Variants in PLCD3 observed in about 807,000 individuals in gnomAD.
The protein encoded by PLCD3 is phospholipase C delta 3, also known as 1-phosphatidylinositol 4,5-bisphosphate phosphodiesterase delta-3.
A neutral mutation model predicts 82.8 loss-of-function variants in PLCD3; 62 were observed. The observed-to-expected ratio is 0.75, with a 90% CI of 0.61 to 0.93. The LOEUF (loss-of-function observed/expected upper bound fraction) is 0.93, where lower values mean the gene tolerates loss of function less well. PLCD3 is among the 40% of genes least tolerant of loss of function. The pLI is 0.00. For missense variants in PLCD3, 1,023 were observed against 1,103.4 expected (o/e 0.93, Z 1.03); for synonymous variants, 478 against 471.8 (o/e 1.01, Z -0.17).
Position 45,118,425 on chromosome 17 carries a change from G to A in PLCD3, c.981C>T (p.Ala327=). ...ACACACACGTGTGGGTGTTGTCCAA[G>A]GCAGCCCCCTCCGGCGACAACAGGT... ...MMYLLSPEGA[A]LDNTHTCVFQ... Residue 327 remains alanine (A), a synonymous_variant, in exon 6 of 15, where the codon GCC becomes GCT. Transcript: ENST00000619929. This position sits in a 1 kb window ranked among gnomAD's most constrained non-coding sequence, Gnocchi z 4.1. 1 of 1,614,018 alleles carries A rather than the reference G, an allele frequency of 6.2e-7. No homozygotes were observed. Among genetic ancestry groups the A allele is most frequent in the Non-Finnish European group, 8.5e-7 (1 of 1,179,884 alleles).
At chr17:45,125,243 A>ATTTGAGGCAAGGAG (rs2143585307) in intron 1 of PLCD3, among the ~76,000 whole-genome samples, 1 of 152,048 alleles carries the variant, frequency 6.6e-6, no homozygotes, top group South Asian at 2.1e-4. Context: ...CATGTGGATC[A>ATTTGAGGCAAGGAG]TTTGAGGCAA....
chr17:45,130,627 G>C (rs1228607248), intron 1 of PLCD3, among the ~76,000 whole-genome samples: 1 of 152,138 alleles, frequency 6.6e-6, no homozygotes, highest in African/African-American at 2.4e-5. Context: ...GGTCCATCCT[G>C]GGTGTCCCCC....
At position 45,132,500 on chromosome 17, in the gene PLCD3, G is replaced by A. The variant is rs890815430; in HGVS notation, c.-90C>T. 8 of 844,332 alleles carry A rather than the reference G, an allele frequency of 9.5e-6. No individual in the cohort carries two copies. Among genetic ancestry groups the A allele is most frequent in the Non-Finnish European group, 1.1e-5 (7 of 661,322 alleles). 52.3% of individuals were successfully genotyped at this position (844,332 alleles called of 1,614,324 possible). A position where few individuals can be genotyped will look rare whatever the true frequency, so the allele number is the denominator to read the frequency against. On this transcript the variant is annotated 5_prime_UTR_variant, in exon 1 of 15. Coordinates refer to ENST00000619929, the MANE Select transcript of PLCD3 (RefSeq NM_133373.5). This position sits in a 1 kb window ranked among gnomAD's most constrained non-coding sequence, Gnocchi z 4.6. Reference sequence around the variant, plus strand: ...CTCTGGCCCGGCCCCGGCTCTGAGCGAGGCGGCGAGCGAAGAAACTTAGCG... The same window carrying A: ...CTCTGGCCCGGCCCCGGCTCTGAGCAAGGCGGCGAGCGAAGAAACTTAGCG...
intron 1 of PLCD3, among the ~76,000 whole-genome samples, chr17:45,123,496 G>T (rs768128849): frequency 2.6e-4 from 39 of 152,340 alleles, no homozygotes; most frequent in Non-Finnish European, 5.0e-4. Flanking sequence ...ACGGACAGAT[G>T]GGGGGACTAA....
At position 45,116,705 on chromosome 17, in the gene PLCD3, CAG is replaced by C. The variant is rs2054294533; in HGVS notation, c.1338_1339del (p.Cys447HisfsTer58). ...CACCAGCATGTCCCCCAGGATGGTG[CAG>C]AGGTGGCGGGCCATGGCAGCCTGCT... On this transcript the variant is annotated frameshift_variant, in exon 8 of 15. Transcript: ENST00000619929. LOFTEE classifies it high-confidence loss of function. 1 of 1,611,154 alleles carries C rather than the reference CAG, an allele frequency of 6.2e-7. No homozygotes were observed. Among genetic ancestry groups the C allele is most frequent in the Non-Finnish European group, 8.5e-7 (1 of 1,178,510 alleles).
chr17:45,116,334 G>A (rs550320772), intron 8 of PLCD3, among the ~76,000 whole-genome samples: 8 of 152,276 alleles, frequency 5.3e-5, no homozygotes, highest in Admixed American at 5.2e-4. Flanking sequence ...GCGGGGCCTT[G>A]CAGGTGGGAA....
chr17:45,120,213 A>T (rs1368140610), intron 4 of PLCD3, 112 bp downstream of exon 4: 2 of 1,448,370 alleles, frequency 1.4e-6, no homozygotes, highest in African/African-American at 2.8e-5. Flanking sequence ...TGCTCGCTCC[A>T]AAAAAGCTGC....
At position 45,120,892 on chromosome 17, in the gene PLCD3, G is replaced by A. The variant is rs754164761; in HGVS notation, c.554+10C>T. ...GGATGGGGCCCTCCCTCCCAGCCCCGGCAGGATATTGGTCTAGCCGCTCGC... is the reference window on the plus strand; with the variant it reads ...GGATGGGGCCCTCCCTCCCAGCCCCAGCAGGATATTGGTCTAGCCGCTCGC... On this transcript the variant is annotated intron_variant, in intron 3 of 14. Transcript: ENST00000619929. 4.2e-6 allele frequency: 6 copies of A among 1,417,146 alleles called. No homozygotes were observed. Among genetic ancestry groups the A allele is most frequent in the African/African-American group, 1.5e-5 (1 of 67,020 alleles). The allele number at this position is 1,417,146 out of a possible 1,614,324, so 87.8% of individuals were successfully genotyped here.
rs111973386 is a variant in PLCD3, at chr17:45,115,958, G to A, written c.1414-468C>T. Among the ~76,000 whole-genome samples the A allele has an allele frequency of 5.2e-3, 790 of 152,312 alleles. 4 individuals are homozygous for A. The highest frequency in any genetic ancestry group is 8.3e-3 in the Non-Finnish European group (562 of 68,030). ...AAAGAGGACAGGTCAGTGGAGGGAG[G>A]GGAGCACTGCTCATCGCGTCCCTTA... On this transcript the variant is annotated intron_variant, in intron 8 of 14. Coordinates refer to ENST00000619929, the MANE Select transcript of PLCD3 (RefSeq NM_133373.5).
rs771669043 is a variant in PLCD3 at position 45,121,201 on chromosome 17, G to A, written c.325+10C>T. The A allele has an allele frequency of 6.4e-7, 1 of 1,567,366 alleles. No individual in the cohort carries two copies. Among genetic ancestry groups the A allele is most frequent in the South Asian group, 1.2e-5 (1 of 85,878 alleles). ...CCTCCCTGTCCGCCCGGCGCTCCCC[G>A]GCCTCTCACAGATGTGCTGCGATGG... On this transcript the variant is annotated intron_variant, in intron 2 of 14. Coordinates refer to ENST00000619929, the MANE Select transcript of PLCD3 (RefSeq NM_133373.5).
intron 1 of PLCD3, among the ~76,000 whole-genome samples, chr17:45,128,863 T>C (rs891911957): frequency 1.3e-5 from 2 of 152,218 alleles, no homozygotes; most frequent in African/African-American, 4.8e-5. Flanking sequence ...AGGACGCTCC[T>C]GGGGGCTGGC....
Position 45,132,047 on chromosome 17 carries a change from C to T in PLCD3, c.163+201G>A, listed in dbSNP as rs372610594. On this transcript the variant is annotated intron_variant, in intron 1 of 14. Transcript: ENST00000619929. This position sits in a 1 kb window ranked among gnomAD's most constrained non-coding sequence, Gnocchi z 4.6. ...CCCCCTGGTGGGAAGCAAAGAACAC[C>T]CTGGGCGCCCGGCTCGCCCCGGGAC... Among the ~76,000 whole-genome samples, 1 of 152,214 alleles carries T rather than the reference C, an allele frequency of 6.6e-6. No individual in the cohort carries two copies. The highest frequency in any genetic ancestry group is 1.5e-5 in the Non-Finnish European group (1 of 68,020).
At chr17:45,123,619 C>T (rs1183483556) in intron 1 of PLCD3, among the ~76,000 whole-genome samples, 2 of 152,184 alleles carry the variant, frequency 1.3e-5, no homozygotes, top group South Asian at 4.1e-4. Context: ...ATCGGAATTA[C>T]CCAGGGGAGG....
chr17:45,123,562 G>A (rs1356628092), intron 1 of PLCD3, among the ~76,000 whole-genome samples: 1 of 151,982 alleles, frequency 6.6e-6, no homozygotes, highest in African/African-American at 2.4e-5. Flanking sequence ...CAGAGGCCTC[G>A]CAGGGCAGAG....
At position 45,109,562 on chromosome 17, in the gene PLCD3, C is replaced by A. The variant is rs2054226270; in HGVS notation, c.*3054G>T. 6.6e-6 allele frequency: 1 copy of A among 152,354 alleles called. No individual in the cohort carries two copies. The highest frequency in any genetic ancestry group is 6.5e-5 in the Admixed American group (1 of 15,280). 9.4% of individuals were successfully genotyped at this position (152,354 alleles called of 1,614,324 possible). The stretch of plus-strand genomic sequence containing the variant: ...TCTGGAACTTACCCATTCCCTGACC[C>A]CCTGATCCTTTCAGGTCCATGACTG... On this transcript the variant is annotated 3_prime_UTR_variant, in exon 15 of 15. Coordinates refer to ENST00000619929, the MANE Select transcript of PLCD3 (RefSeq NM_133373.5).
rs555500648 is a variant in PLCD3 at position 45,126,447 on chromosome 17, G to A, written c.164-5075C>T. On this transcript the variant is annotated intron_variant, in intron 1 of 14. Transcript: ENST00000619929. Reference sequence around the variant, plus strand: ...CAGCTCACTGCAACCCCCACCTCCCGGGTTCAAGTGATTTCCGGCTAATTG... The same window carrying A: ...CAGCTCACTGCAACCCCCACCTCCCAGGTTCAAGTGATTTCCGGCTAATTG... 3.6e-5 allele frequency among the ~76,000 whole-genome samples: 5 copies of A among 137,130 alleles called. No individual in the cohort carries two copies. The East Asian group carries it at 6.5e-4, about 18-fold the overall frequency. 90.0% of individuals were successfully genotyped at this position (137,130 alleles called of 152,430 possible).
At chr17:45,120,501 C>A (rs377698225) in intron 3 of PLCD3, 47 bp from the exon 4 acceptor site, 2 of 1,611,580 alleles carry the variant, frequency 1.2e-6, no homozygotes, top group African/African-American at 1.3e-5. Context: ...CTGCCCCCAG[C>A]CCTCAGGTAA....
rs372027629 is a variant in PLCD3, at chr17:45,112,910, T to C, written c.2234A>G (p.Asn745Ser). Residue 745 changes from asparagine (N) to serine (S), a missense_variant, in exon 14 of 15, where the codon AAT becomes AGT. Around this residue, in one of 3 missense-constraint regions of PLCD3, gnomAD observed 553 missense variants for 655.7 expected, o/e 0.84. Transcript: ENST00000619929. ...VVEDYDATSP[N>S]DFVGQFTLPL... is the part of the protein sequence containing the mutation. ...CAGTGTAAACTGGCCCACAAAGTCA[T>C]TGGGGGAGGTGGCGTCATAATCTTC... 168 of 1,612,592 alleles carry C rather than the reference T, an allele frequency of 1.0e-4. No homozygotes were observed. Among genetic ancestry groups the C allele is most frequent in the South Asian group, 1.3e-4 (12 of 90,768 alleles).
chr17:45,122,297 C>T (rs1297497106), intron 1 of PLCD3, among the ~76,000 whole-genome samples: 2 of 151,804 alleles, frequency 1.3e-5, no homozygotes, highest in Non-Finnish European at 2.9e-5. Flanking sequence ...GCCAAGATTG[C>T]GCCACTGCAC....
Sources: gnomAD v4.1 joint callset for allele counts (sites outside exome capture counted in the v4.1 genomes callset) on GRCh38, gnomAD v4.1.1 for gene constraint, gnomAD v4.1.1 regional missense constraint, Gnocchi (gnomAD v3.1) non-coding constraint, MANE v1.5 for transcripts, NCBI Gene and HGNC (gene_info 2026-07-23, HGNC 2026-07-21) for gene names.